ELMOD3: variants seen among roughly 807,000 people sequenced by gnomAD.
ELMOD3 encodes ELMO domain-containing protein 3.
In ELMOD3, 36 loss-of-function variants were observed where a neutral mutation model predicts 47.4. The ratio of observed to expected loss-of-function variants is 0.76; its 90% CI spans 0.58 to 1.00. The LOEUF (loss-of-function observed/expected upper bound fraction) is 1.00. Ranked by LOEUF, ELMOD3 falls within the 50% of genes least tolerant of loss-of-function variation. ELMOD3 has a pLI of 0.00. For synonymous variants in ELMOD3, 149 were observed against 183.5 expected, an observed-to-expected ratio of 0.81 and a Z score of 1.52; for missense variants, 404 against 463.8, an observed-to-expected ratio of 0.87 and a Z score of 1.18.
chr2:85,377,556 C>T (rs1319750702), intron 11 of ELMOD3, 82 bp downstream of exon 11: 1 of 1,435,810 alleles, frequency 7.0e-7, no homozygotes, highest in South Asian at 1.4e-5. Context: ...CCCAGGACAG[C>T]TGAGATAAAC....
chr2:85,364,911 C>G (rs1384643178), intron 6 of ELMOD3, among the ~76,000 whole-genome samples: 1 of 139,994 alleles, frequency 7.1e-6, no homozygotes. Context: ...GATTGTAGCT[C>G]ACTCCAGCCT....
chr2:85,371,868 T>C (rs1009796678), intron 10 of ELMOD3: 13 of 276,776 alleles, frequency 4.7e-5, no homozygotes, highest in East Asian at 2.0e-4. Flanking sequence ...ATCCCATCTC[T>C]ACTAAAAATA....
chr2:85,370,184 T>C (rs1463775597), intron 8 of ELMOD3, among the ~76,000 whole-genome samples: 3 of 152,152 alleles, frequency 2.0e-5, no homozygotes, highest in Non-Finnish European at 4.4e-5. Context: ...AAACCTTCCA[T>C]TCCCTCAAGG....
intron 6 of ELMOD3, 30 bp downstream of exon 6, chr2:85,363,196 T>C: frequency 1.4e-6 from 2 of 1,394,248 alleles, no homozygotes; most frequent in Non-Finnish European, 1.0e-6. Flanking sequence ...CCTTGGAGTC[T>C]GGGTGGGACC....
In ELMOD3 at chr2:85,390,805, C is replaced by A; in HGVS notation, c.989C>A (p.Thr330Asn). Residue 330 changes from threonine to asparagine, a missense_variant, in exon 14 of 14, where the codon ACC becomes AAC. Thr to Asn is a moderately conservative substitution (Grantham distance 65). Coordinates refer to ENST00000409013, the MANE Select transcript of ELMOD3 (RefSeq NM_001135022.2). ...AKKSPRRLLK[T>N]LELYLARVSK... is the part of the protein sequence containing the mutation. ...AAGAGCCCACGGCGGCTGCTCAAGACCCTGGAGCTGTACTTGGCCAGGGTG... is the reference window on the plus strand; with the variant it reads ...AAGAGCCCACGGCGGCTGCTCAAGAACCTGGAGCTGTACTTGGCCAGGGTG... The A allele has an allele frequency of 6.4e-7, 1 of 1,551,570 alleles. No homozygotes were observed. Among genetic ancestry groups the A allele is most frequent in the Non-Finnish European group, 8.7e-7 (1 of 1,147,004 alleles).
chr2:85,357,114 C>A lies in ELMOD3; in HGVS notation c.-85C>A. 2 of 907,534 alleles carry A rather than the reference C, an allele frequency of 2.2e-6. No individual in the cohort carries two copies. Among genetic ancestry groups the A allele is most frequent in the East Asian group, 2.5e-5 (1 of 39,618 alleles). The allele number at this position is 907,534 out of a possible 1,614,324, so 56.2% of individuals were successfully genotyped here. A position where few individuals can be genotyped will look rare whatever the true frequency, so the allele number is the denominator to read the frequency against. On this transcript the variant is annotated 5_prime_UTR_variant, in exon 4 of 14. Coordinates refer to ENST00000409013, the MANE Select transcript of ELMOD3 (RefSeq NM_001135022.2). ...AGGTAGAGCAACTGGATCTCTGGCT[C>A]TCCACATAGCTTCTGATCTCAGACC...
intron 11 of ELMOD3, among the ~76,000 whole-genome samples, chr2:85,385,643 G>A (rs1469831201): frequency 6.6e-6 from 1 of 152,240 alleles, no homozygotes; most frequent in Admixed American, 6.5e-5. Flanking sequence ...AGGGCAGTAG[G>A]AGAGGTGGTC....
intron 4 of ELMOD3, chr2:85,361,058 ATCC>A (rs1228667321): frequency 6.6e-6 from 1 of 152,424 alleles, no homozygotes; most frequent in Non-Finnish European, 1.5e-5. Flanking sequence ...GGCTCAAGCA[ATCC>A]TCCTGCCTCA....
intron 6 of ELMOD3, among the ~76,000 whole-genome samples, chr2:85,364,152 T>G (rs79473775): frequency 0.082 from 12,421 of 151,834 alleles, 626 homozygotes; most frequent in South Asian, 0.19. Context: ...TTTTTTTTTT[T>G]TTGTTAGGGA....
chr2:85,390,073 G>T lies in ELMOD3; in HGVS notation c.816-65G>T, dbSNP rs192941151. On this transcript the variant is annotated intron_variant, in intron 12 of 13. Coordinates refer to ENST00000409013, the MANE Select transcript of ELMOD3 (RefSeq NM_001135022.2). Reference sequence around the variant, plus strand: ...CCCTGGGGAAATGGGGAAGGAAGGCGGGAGGGAACCTAGGTCTCAGCCTTC... The same window carrying T: ...CCCTGGGGAAATGGGGAAGGAAGGCTGGAGGGAACCTAGGTCTCAGCCTTC... 2.7e-6 allele frequency: 4 copies of T among 1,485,084 alleles called. No individual in the cohort carries two copies. In the East Asian group the frequency reaches 9.0e-5, roughly 34 times the overall value. 92.0% of individuals were successfully genotyped at this position (1,485,084 alleles called of 1,614,324 possible).
Position 85,363,229 on chromosome 2 carries a change from C to G in ELMOD3, c.199+63C>G, listed in dbSNP as rs1573091201. Reference sequence around the variant, plus strand: ...ACCCAAGTCAGACCTTCCCATGCATCTGCTGTTCATCATTTGAATTTCTCT... The same window carrying G: ...ACCCAAGTCAGACCTTCCCATGCATGTGCTGTTCATCATTTGAATTTCTCT... On this transcript the variant is annotated intron_variant, in intron 6 of 13. Coordinates refer to ENST00000409013, the MANE Select transcript of ELMOD3 (RefSeq NM_001135022.2). 5 of 867,062 alleles carry G rather than the reference C, an allele frequency of 5.8e-6. No homozygotes were observed. The East Asian group carries it at 9.7e-5, about 17-fold the overall frequency. The allele number at this position is 867,062 out of a possible 1,614,324, so 53.7% of individuals were successfully genotyped here.
At chr2:85,364,941 T>G (rs1294719749) in intron 6 of ELMOD3, among the ~76,000 whole-genome samples, 1 of 146,952 alleles carries the variant, frequency 6.8e-6, no homozygotes, top group Admixed American at 6.8e-5. Context: ...GGGCTCCAGC[T>G]GGGACTACAG....
chr2:85,380,475 T>C (rs1434239693), intron 11 of ELMOD3, among the ~76,000 whole-genome samples: 1 of 152,240 alleles, frequency 6.6e-6, no homozygotes, highest in Non-Finnish European at 1.5e-5. Flanking sequence ...TCCAAAGTTA[T>C]CAGAAACCTG....
chr2:85,388,662 G>T (rs1686101775), intron 11 of ELMOD3, among the ~76,000 whole-genome samples: 1 of 152,282 alleles, frequency 6.6e-6, no homozygotes, highest in East Asian at 1.9e-4. Flanking sequence ...TGACAGAAGT[G>T]GTCTAGATAT....
chr2:85,368,789 C>T, intron 7 of ELMOD3, 35 bp downstream of exon 7: 2 of 1,610,682 alleles, frequency 1.2e-6, no homozygotes, highest in Non-Finnish European at 1.7e-6. Context: ...CCCCATAGCC[C>T]CTCTGCCAGC....
intron 12 of ELMOD3, 42 bp from the exon 13 acceptor site, chr2:85,390,094 CCT>C: frequency 6.4e-7 from 1 of 1,571,570 alleles, no homozygotes; most frequent in Non-Finnish European, 8.8e-7. Context: ...TAGGTCTCAG[CCT>C]TCATCCACCG....
intron 6 of ELMOD3, among the ~76,000 whole-genome samples, chr2:85,365,318 C>G (rs1684305375): frequency 6.6e-6 from 1 of 150,634 alleles, no homozygotes; most frequent in Non-Finnish European, 1.5e-5. Context: ...CCACTGCACT[C>G]CAGCCTGGGC....
In ELMOD3 at chr2:85,362,196, T is replaced by A. The variant is rs200958263; in HGVS notation, c.65T>A (p.Leu22Ter). ...TTGTCTGTTTTACAGGGTGAAAGATTGTCTGCTGGATATTCTCCATCATAT... is the reference window on the plus strand; with the variant it reads ...TTGTCTGTTTTACAGGGTGAAAGATAGTCTGCTGGATATTCTCCATCATAT... Reference protein sequence around the residue: ...EELRDGQGERLSAGYSPSYDK... With the variant: ...EELRDGQGER Residue 22 changes from leucine (L) to a stop codon, truncating the protein, a stop_gained, in exon 5 of 14, where the codon TTG (leucine) becomes TAG (stop). Coordinates refer to ENST00000409013, the MANE Select transcript of ELMOD3 (RefSeq NM_001135022.2). LOFTEE classifies it high-confidence loss of function. 9 of 1,596,178 alleles carry A rather than the reference T, an allele frequency of 5.6e-6. No individual in the cohort carries two copies. The African/African-American group carries it at 1.2e-4, about 21-fold the overall frequency.
At chr2:85,382,836 A>G (rs201693887) in intron 11 of ELMOD3, among the ~76,000 whole-genome samples, 2 of 152,056 alleles carry the variant, frequency 1.3e-5, no homozygotes, top group East Asian at 3.9e-4. Flanking sequence ...AAGCACATAC[A>G]GAAAGATACA....
Sources: gnomAD v4.1 joint callset for allele counts (sites outside exome capture counted in the v4.1 genomes callset) on GRCh38, gnomAD v4.1.1 for gene constraint, MANE v1.5 for transcripts, NCBI Gene and HGNC (gene_info 2026-07-23, HGNC 2026-07-21) for gene names.